The following ANGPTL4 variants were observed in gnomAD, a reference collection of about 807,000 sequenced individuals.
The protein encoded by ANGPTL4 is angiopoietin like 4, also known as angiopoietin-related protein 4.
ANGPTL4 carries 39 observed loss-of-function variants against 39.2 expected under a neutral mutation model. The ratio of observed to expected loss-of-function variants is 1.00; its 90% CI spans 0.77 to 1.30. The LOEUF (loss-of-function observed/expected upper bound fraction) is 1.30, where lower values mean the gene tolerates loss of function less well. ANGPTL4 is among the 50% of genes most tolerant of loss of function. The probability of loss-of-function intolerance (pLI) is 0.00; values close to 1 mark genes in which losing one functional copy is unlikely to be tolerated. For synonymous variants in ANGPTL4, 233 were observed against 229.5 expected, an observed-to-expected ratio of 1.02 and a Z score of -0.14; for missense variants, 545 against 549.8, an observed-to-expected ratio of 0.99 and a Z score of 0.09.
At position 8,366,242 on chromosome 19, in the gene ANGPTL4, C is replaced by A; in HGVS notation, c.470C>A (p.Ala157Asp). The A allele has an allele frequency of 6.2e-7, 1 of 1,614,106 alleles. No homozygotes were observed. Among genetic ancestry groups the A allele is most frequent in the Non-Finnish European group, 8.5e-7 (1 of 1,180,020 alleles). ...LDHKHLDHEV[A>D]KPARRKRLPE... ...CACAAGCACCTAGACCATGAGGTGG[C>A]CAAGCCTGCCCGAAGAAAGAGGCTG... is the stretch of plus-strand genomic sequence containing the variant. Residue 157 changes from alanine (A) to aspartate (D), a missense_variant, in exon 3 of 7, where the codon GCC (alanine) becomes GAC (aspartate). By Grantham distance (126) the Ala-to-Asp change is moderately radical. Transcript: ENST00000301455.
Position 8,366,185 on chromosome 19 carries a change from C to T in ANGPTL4, c.430-17C>T. 6.2e-7 allele frequency: 1 copy of T among 1,613,286 alleles called. No individual in the cohort carries two copies. The highest frequency in any genetic ancestry group is 8.5e-7 in the Non-Finnish European group (1 of 1,179,368). ...GGGCCAGGCAGGACCTGACACCCTCCTCCCGTCCCATCCTAGTTTGGCCTC... is the reference window on the plus strand; with the variant it reads ...GGGCCAGGCAGGACCTGACACCCTCTTCCCGTCCCATCCTAGTTTGGCCTC... On this transcript the variant is annotated splice_polypyrimidine_tract_variant and intron_variant, in intron 2 of 6. Transcript: ENST00000301455.
intron 3 of ANGPTL4, among the ~76,000 whole-genome samples, chr19:8,366,593 G>GGT (rs1475168301): frequency 6.6e-6 from 1 of 152,154 alleles, no homozygotes; most frequent in Admixed American, 6.5e-5. Context: ...TGGAGAAAGA[G>GGT]GTCTTGAGGG....
intron 3 of ANGPTL4, among the ~76,000 whole-genome samples, chr19:8,366,623 T>A (rs1203674377): frequency 1.3e-5 from 2 of 152,088 alleles, no homozygotes; most frequent in African/African-American, 4.8e-5. Context: ...GCAGGGGTGC[T>A]GGAGAAGGTA....
At chr19:8,369,436 CTA>C in intron 4 of ANGPTL4, 104 bp downstream of exon 4, 1 of 788,220 alleles carries the variant, frequency 1.3e-6, no homozygotes, top group Non-Finnish European at 2.0e-6. Flanking sequence ...CAGGGTCTTG[CTA>C]TGTTGCCCAA....
rs373408048 is a variant in ANGPTL4 at position 8,368,893 on chromosome 19, A to G, written c.548-326A>G. On this transcript the variant is annotated intron_variant, in intron 3 of 6. Transcript: ENST00000301455. ...AAAAAGAGAGTCCCAGGCAGGGGGAACAGCATGTGCAAAGTCCCTGTGGCA... is the reference window on the plus strand; with the variant it reads ...AAAAAGAGAGTCCCAGGCAGGGGGAGCAGCATGTGCAAAGTCCCTGTGGCA... 3.3e-4 allele frequency among the ~76,000 whole-genome samples: 51 copies of G among 152,276 alleles called. No individual in the cohort carries two copies. The East Asian group carries it at 9.9e-3, about 29-fold the overall frequency.
intron 4 of ANGPTL4, among the ~76,000 whole-genome samples, chr19:8,370,198 G>T (rs370609928): frequency 1.3e-5 from 2 of 150,588 alleles, no homozygotes; most frequent in African/African-American, 4.9e-5. Flanking sequence ...GCGAGACTCC[G>T]TCCCCCCATC....
At chr19:8,372,392 CTTTTTTTTTT>C (rs34408253) in intron 6 of ANGPTL4, among the ~76,000 whole-genome samples, 4 of 110,328 alleles carry the variant, frequency 3.6e-5, no homozygotes, top group African/African-American at 1.4e-4. Flanking sequence ...CCACAGGATT[CTTTTTTTTTT>C]TTTTTTTTTG....
intron 3 of ANGPTL4, among the ~76,000 whole-genome samples, chr19:8,366,883 C>T (rs960296050): frequency 9.9e-5 from 15 of 151,026 alleles, no homozygotes; most frequent in Non-Finnish European, 1.3e-4. Context: ...TCCCCGCCCC[C>T]GCCGGCCCCC....
chr19:8,372,418 G>A (rs1165052798), intron 6 of ANGPTL4, among the ~76,000 whole-genome samples: 2 of 135,240 alleles, frequency 1.5e-5, no homozygotes, highest in Non-Finnish European at 3.1e-5. Context: ...TTTTGAAACA[G>A]GGTCTCACTC....
chr19:8,365,714 G>A (rs1163543173), intron 1 of ANGPTL4, among the ~76,000 whole-genome samples: 1 of 151,252 alleles, frequency 6.6e-6, no homozygotes, highest in African/African-American at 2.4e-5. Flanking sequence ...CTACACAGGA[G>A]GCTGAAAACA....
rs115905780 is a variant in ANGPTL4, at chr19:8,373,639, A to G, written c.1040-66A>G. On this transcript the variant is annotated intron_variant, in intron 6 of 6. Coordinates refer to ENST00000301455, the MANE Select transcript of ANGPTL4 (RefSeq NM_139314.3). ...CTGCCTCATCCTCAACCCTATCCCT[A>G]TCTCCTTTCAGCCCCATCGGTGGCT... is the stretch of plus-strand genomic sequence containing the variant. The G allele has an allele frequency of 2.3e-4, 372 of 1,610,124 alleles. No homozygotes were observed. The African/African-American group carries it at 4.1e-3, about 18-fold the overall frequency.
chr19:8,369,301 G>C lies in ANGPTL4; in HGVS notation c.630G>C (p.Pro210=). ...GLFEIQPQGS[P]PFLVNCKMTS... ...TTGAAATCCAGCCTCAGGGGTCTCC[G>C]CCATTTTTGGTGAACTGCAAGATGA... The change falls in exon 4 of 7, where the codon CCG becomes CCC. Residue 210 remains proline, a synonymous_variant. Coordinates refer to ENST00000301455, the MANE Select transcript of ANGPTL4 (RefSeq NM_139314.3). 2 of 1,611,882 alleles carry C rather than the reference G, an allele frequency of 1.2e-6. No homozygotes were observed. Among genetic ancestry groups the C allele is most frequent in the South Asian group, 1.1e-5 (1 of 90,300 alleles).
chr19:8,366,806 T>A (rs1049009573), intron 3 of ANGPTL4, among the ~76,000 whole-genome samples: 2 of 151,782 alleles, frequency 1.3e-5, no homozygotes, highest in Non-Finnish European at 2.9e-5. Flanking sequence ...CACTCTTGTA[T>A]CTTACAAATC....
intron 1 of ANGPTL4, among the ~76,000 whole-genome samples, chr19:8,365,351 G>A (rs1390193687): frequency 6.6e-6 from 1 of 150,510 alleles, no homozygotes; most frequent in African/African-American, 2.4e-5. Flanking sequence ...GGTGGTGGGC[G>A]CCTGTAATCC....
At chr19:8,364,777 C>T (rs762618223) in intron 1 of ANGPTL4, 138 bp downstream of exon 1, 141 of 1,136,504 alleles carry the variant, frequency 1.2e-4, no homozygotes, top group Non-Finnish European at 1.7e-4. Flanking sequence ...ATGGGCTCCC[C>T]CCTTAGGAAG....
Position 8,371,012 on chromosome 19 carries a change from C to T in ANGPTL4, c.662-44C>T, listed in dbSNP as rs1971103931. On this transcript the variant is annotated intron_variant, in intron 4 of 6. Transcript: ENST00000301455. The surrounding 1 kb of genome is among the most constrained non-coding windows in gnomAD (Gnocchi z 5.1). ...CAGCCAGATGAGGGAGTGGGGTCGT[C>T]TGTGAAGAGGGACTTCCTGGTGACC... 6.4e-7 allele frequency: 1 copy of T among 1,553,848 alleles called. No homozygotes were observed. The highest frequency in any genetic ancestry group is 1.4e-5 in the African/African-American group (1 of 73,294).
chr19:8,370,664 C>T (rs889894342), intron 4 of ANGPTL4, among the ~76,000 whole-genome samples: 7 of 143,122 alleles, frequency 4.9e-5, no homozygotes, highest in African/African-American at 1.6e-4. Flanking sequence ...TGCGGCACTG[C>T]GATCCAGCCT....
chr19:8,365,909 G>A (rs771829106), intron 1 of ANGPTL4, 45 bp from the exon 2 acceptor site: 10 of 1,447,586 alleles, frequency 6.9e-6, no homozygotes, highest in African/African-American at 2.8e-5. Context: ...TAAGAGGTTG[G>A]GGTAGGCAAG....
rs984861050 is a variant in ANGPTL4 at position 8,374,004 on chromosome 19, T to C, written c.*118T>C. The C allele has an allele frequency of 2.5e-6, 3 of 1,187,458 alleles. No homozygotes were observed. Among genetic ancestry groups the C allele is most frequent in the Admixed American group, 1.9e-5 (1 of 52,868 alleles). The allele number at this position is 1,187,458 out of a possible 1,614,324, so 73.6% of individuals were successfully genotyped here. On this transcript the variant is annotated 3_prime_UTR_variant, in exon 7 of 7. Coordinates refer to ENST00000301455, the MANE Select transcript of ANGPTL4 (RefSeq NM_139314.3). ...CAAGGAGGGGCCATCTGGAAACTTG[T>C]GGACAGAGAAGAAGACCACGACTGG...
Sources: allele counts gnomAD v4.1 joint callset (sites outside exome capture counted in the v4.1 genomes callset), GRCh38; gene constraint gnomAD v4.1.1; non-coding constraint Gnocchi (gnomAD v3.1); transcripts MANE v1.5; gene names NCBI Gene and HGNC (gene_info 2026-07-23, HGNC 2026-07-21).